ATG7: variants seen among roughly 807,000 people sequenced by gnomAD.
ATG7 encodes ubiquitin-like modifier-activating enzyme ATG7.
In ATG7, 70 loss-of-function variants were observed where a neutral mutation model predicts 82.4. That is an observed-to-expected ratio of 0.85 (90% CI 0.70 to 1.04). The LOEUF (loss-of-function observed/expected upper bound fraction) is 1.04. ATG7 is among the 50% of genes least tolerant of loss of function. The probability of loss-of-function intolerance (pLI) is 0.00; values close to 1 mark genes in which losing one functional copy is unlikely to be tolerated. For synonymous variants in ATG7, 287 were observed against 313.0 expected (o/e 0.92, Z 0.88); for missense variants, 792 against 864.3 (o/e 0.92, Z 1.05).
At chr3:11,476,292 A>G (rs1474571512) in intron 20 of ATG7, among the ~76,000 whole-genome samples, 1 of 152,144 alleles carries the variant, frequency 6.6e-6, no homozygotes, top group Non-Finnish European at 1.5e-5. Flanking sequence ...ATCTGGCTAC[A>G]TATCAGTTTG....
intron 20 of ATG7, among the ~76,000 whole-genome samples, chr3:11,475,009 A>G (rs1411047173): frequency 6.6e-6 from 1 of 151,308 alleles, no homozygotes; most frequent in African/African-American, 2.4e-5. Context: ...TTGAAGCAGG[A>G]GAGTAACAGG....
chr3:11,441,689 C>A (rs1223714205), intron 20 of ATG7, among the ~76,000 whole-genome samples: 24 of 128,136 alleles, frequency 1.9e-4, no homozygotes, highest in Admixed American at 3.4e-4. Context: ...TTTTTTGAGA[C>A]AGAGTCTTGC....
At chr3:11,545,220 C>T (rs2071174427) in intron 20 of ATG7, among the ~76,000 whole-genome samples, 2 of 152,180 alleles carry the variant, frequency 1.3e-5, no homozygotes, top group South Asian at 4.1e-4. Flanking sequence ...AGAGTTTGGA[C>T]TTCACTCTCC....
chr3:11,467,655 C>T (rs1336074667), intron 20 of ATG7, among the ~76,000 whole-genome samples: 3 of 152,180 alleles, frequency 2.0e-5, no homozygotes, highest in Admixed American at 6.5e-5. Context: ...GGATTACAGG[C>T]GTGAGCCAAT....
chr3:11,417,983 A>G (rs1188400317), intron 19 of ATG7, among the ~76,000 whole-genome samples: 1 of 144,040 alleles, frequency 6.9e-6, no homozygotes, highest in African/African-American at 2.6e-5. Flanking sequence ...GATTTTTTGT[A>G]TTTTTTTTAG....
At chr3:11,336,836 C>T (rs1457654593) in intron 11 of ATG7, among the ~76,000 whole-genome samples, 2 of 151,992 alleles carry the variant, frequency 1.3e-5, no homozygotes, top group African/African-American at 2.4e-5. Flanking sequence ...CCACACCCAA[C>T]TAATTTTTGT....
intron 19 of ATG7, among the ~76,000 whole-genome samples, chr3:11,417,819 T>TA (rs2081528207): frequency 7.6e-6 from 1 of 131,664 alleles, no homozygotes; most frequent in African/African-American, 2.6e-5. Flanking sequence ...TATTTTATTT[T>TA]TTTTTTTTTT....
chr3:11,393,792 T>TGCC (rs1227671047), intron 19 of ATG7, among the ~76,000 whole-genome samples: 3 of 152,142 alleles, frequency 2.0e-5, no homozygotes, highest in African/African-American at 7.2e-5. Context: ...GGGATTCTCG[T>TGCC]GCCTCACCCT....
intron 20 of ATG7, among the ~76,000 whole-genome samples, chr3:11,512,056 G>A (rs1029128807): frequency 6.6e-6 from 1 of 152,212 alleles, no homozygotes; most frequent in African/African-American, 2.4e-5. Context: ...AGTGCAGTGG[G>A]GGGCTGAAGG....
chr3:11,546,809 A>G (rs578103297), intron 20 of ATG7, among the ~76,000 whole-genome samples: 1 of 152,290 alleles, frequency 6.6e-6, no homozygotes, highest in Non-Finnish European at 1.5e-5. Flanking sequence ...GCCCTCTTCC[A>G]TTGCAGGGCA....
the ATG7 span, chr3:11,565,129 A>G: frequency 2.7e-6 from 3 of 1,114,074 alleles, no homozygotes; most frequent in Non-Finnish European, 2.4e-6. This position sits in a 1 kb window ranked among gnomAD's most constrained non-coding sequence, Gnocchi z 4.1. Context: ...CCTGAAGCTC[A>G]GGTCGTGTGG....
chr3:11,428,656 T>C (rs1308732953), intron 20 of ATG7, among the ~76,000 whole-genome samples: 1 of 152,204 alleles, frequency 6.6e-6, no homozygotes, highest in Non-Finnish European at 1.5e-5. Flanking sequence ...TTCAGAACAT[T>C]GTGTTTATTG....
intron 20 of ATG7, among the ~76,000 whole-genome samples, chr3:11,524,285 C>T (rs1289293239): frequency 6.6e-6 from 1 of 151,268 alleles, no homozygotes; most frequent in Non-Finnish European, 1.5e-5. Flanking sequence ...TGGAGAAGCC[C>T]ATTCCCACTC....
chr3:11,570,746 T>A, the ATG7 span, among the ~76,000 whole-genome samples: 1 of 152,196 alleles, frequency 6.6e-6, no homozygotes, highest in Admixed American at 6.5e-5. Context: ...TGGTGAGATG[T>A]CTTCTCCCTT....
At chr3:11,471,230 C>T (rs1190626730) in intron 20 of ATG7, among the ~76,000 whole-genome samples, 2 of 152,136 alleles carry the variant, frequency 1.3e-5, no homozygotes, top group Non-Finnish European at 2.9e-5. Flanking sequence ...CAGCGGCAGA[C>T]AGCTCCTACC....
intron 20 of ATG7, among the ~76,000 whole-genome samples, chr3:11,476,913 T>C (rs2088315943): frequency 6.6e-6 from 1 of 152,196 alleles, no homozygotes; most frequent in Non-Finnish European, 1.5e-5. Flanking sequence ...TAATCTTAAA[T>C]ACAGATTATG....
chr3:11,410,641 A>G (rs2080809215), intron 19 of ATG7, among the ~76,000 whole-genome samples: 1 of 152,152 alleles, frequency 6.6e-6, no homozygotes, highest in Admixed American at 6.5e-5. Flanking sequence ...GTCCCTCATA[A>G]GTAGAGTCAT....
intron 20 of ATG7, among the ~76,000 whole-genome samples, chr3:11,530,121 A>G (rs1217439804): frequency 1.3e-5 from 2 of 152,106 alleles, no homozygotes; most frequent in Non-Finnish European, 2.9e-5. Context: ...TGAGAACTGG[A>G]TGACCCATGC....
downstream of ATG7, chr3:11,559,524 C>T: frequency 1.4e-6 from 2 of 1,463,630 alleles, 1 homozygote; most frequent in South Asian, 2.8e-5. Flanking sequence ...TGGGGCCCTC[C>T]CCAGCACCCT....
Sources: gnomAD v4.1 joint callset for allele counts (sites outside exome capture counted in the v4.1 genomes callset) on GRCh38, gnomAD v4.1.1 for gene constraint, Gnocchi (gnomAD v3.1) non-coding constraint, MANE v1.5 for transcripts, NCBI Gene and HGNC (gene_info 2026-07-23, HGNC 2026-07-21) for gene names.